The following PRKN variants were observed in gnomAD, a reference collection of about 807,000 sequenced individuals.
PRKN encodes the protein E3 ubiquitin-protein ligase parkin.
PRKN carries 56 observed loss-of-function variants against 59.5 expected under a neutral mutation model. The observed-to-expected ratio is 0.94, with a 90% CI of 0.76 to 1.18. The LOEUF is 1.18. PRKN is among the 50% of genes most tolerant of loss of function. PRKN has a pLI of 0.00. For missense variants in PRKN, 657 were observed against 596.4 expected, an observed-to-expected ratio of 1.10 and a Z score of -1.06; for synonymous variants, 250 against 222.1, an observed-to-expected ratio of 1.13 and a Z score of -1.12.
At chr6:161,977,539 TTGG>T (rs747690007) in intron 5 of PRKN, among the ~76,000 whole-genome samples, 4,293 of 102,214 alleles carry the variant, frequency 0.042, 216 homozygotes, top group Non-Finnish European at 0.064. Context: ...TTCTGTTTTT[TTGG>T]TTTTTTTTTT....
At chr6:161,861,045 A>G (rs1230540206) in intron 6 of PRKN, among the ~76,000 whole-genome samples, 1 of 152,250 alleles carries the variant, frequency 6.6e-6, no homozygotes, top group Non-Finnish European at 1.5e-5. Context: ...ATCTAGAACC[A>G]GAAATACCAT....
chr6:162,458,450 T>C (rs1791010066), intron 1 of PRKN, among the ~76,000 whole-genome samples: 1 of 151,234 alleles, frequency 6.6e-6, no homozygotes, highest in Non-Finnish European at 1.5e-5. Flanking sequence ...AAAAATTTTT[T>C]TTAAATTAAT....
At chr6:161,792,382 A>G (rs1554307370) in intron 6 of PRKN, among the ~76,000 whole-genome samples, 1 of 152,222 alleles carries the variant, frequency 6.6e-6, no homozygotes, top group Non-Finnish European at 1.5e-5. Context: ...AAAGATGCAG[A>G]CAACACCTGA....
intron 1 of PRKN, among the ~76,000 whole-genome samples, chr6:162,683,918 G>A (rs114315512): frequency 0.02 from 3,029 of 152,172 alleles, 94 homozygotes; most frequent in African/African-American, 0.069. Flanking sequence ...GTGGATAAAT[G>A]TTTAAGAGTG....
intron 4 of PRKN, among the ~76,000 whole-genome samples, chr6:162,170,188 G>A (rs954397308): frequency 6.6e-6 from 1 of 152,024 alleles, no homozygotes; most frequent in Non-Finnish European, 1.5e-5. Flanking sequence ...GAGGGATGAG[G>A]GTCTGTTGCC....
rs545145788 is a variant in PRKN at position 161,724,062 on chromosome 6, C to T, written c.871+61710G>A. 4.8e-3 allele frequency among the ~76,000 whole-genome samples: 730 copies of T among 152,270 alleles called. 4 individuals carry two copies. Among genetic ancestry groups the T allele is most frequent in the African/African-American group, 0.016 (653 of 41,548 alleles). On this transcript the variant is annotated intron_variant, in intron 7 of 11. Coordinates refer to ENST00000366898, the MANE Select transcript of PRKN (RefSeq NM_004562.3). The stretch of plus-strand genomic sequence containing the variant: ...GATGTTTCAGCAACATTTCTCCATT[C>T]AGTGATGCTGGGGGAAGTAGAGCTT...
chr6:162,693,479 A>G (rs1777852711), intron 1 of PRKN, among the ~76,000 whole-genome samples: 1 of 152,216 alleles, frequency 6.6e-6, no homozygotes, highest in Non-Finnish European at 1.5e-5. Flanking sequence ...AGCTGTACTT[A>G]AGAGTTGTCC....
intron 7 of PRKN, among the ~76,000 whole-genome samples, chr6:161,636,439 GGCT>G (rs1783524201): frequency 6.6e-6 from 1 of 152,246 alleles, no homozygotes; most frequent in Non-Finnish European, 1.5e-5. Context: ...CTGTCTTTCA[GGCT>G]GCTGCTGCAG....
intron 4 of PRKN, among the ~76,000 whole-genome samples, chr6:162,071,619 T>C (rs1017882414): frequency 2.7e-5 from 4 of 148,892 alleles, no homozygotes; most frequent in Admixed American, 2.0e-4. Flanking sequence ...TTTTTTGAGA[T>C]GGAGTCTCGA....
intron 7 of PRKN, among the ~76,000 whole-genome samples, chr6:161,634,085 TGTAA>T (rs917568702): frequency 1.3e-5 from 2 of 151,172 alleles, no homozygotes; most frequent in African/African-American, 2.4e-5. Context: ...CTCCTAAGAC[TGTAA>T]GTGAGTTATC....
At chr6:162,324,576 C>T (rs1272444976) in intron 2 of PRKN, among the ~76,000 whole-genome samples, 1 of 152,106 alleles carries the variant, frequency 6.6e-6, no homozygotes, top group Non-Finnish European at 1.5e-5. Flanking sequence ...TTGCTAAGCA[C>T]TGGCACAGGG....
rs955038865 is a variant in PRKN, at chr6:161,750,118, TAC to T, written c.871+35652_871+35653del. Among the ~76,000 whole-genome samples the T allele has an allele frequency of 2.8e-3, 392 of 137,772 alleles. 2 individuals carry two copies. The highest frequency in any genetic ancestry group is 7.1e-3 in the African/African-American group (265 of 37,312). The allele number at this position is 137,772 out of a possible 152,430, so 90.4% of individuals were successfully genotyped here. On this transcript the variant is annotated intron_variant, in intron 7 of 11. Coordinates refer to ENST00000366898, the MANE Select transcript of PRKN (RefSeq NM_004562.3). ...TAGGACATATATATATATATATATA[TAC>T]ACACACACACACACACACACACATA...
chr6:161,889,159 C>T lies in PRKN; in HGVS notation c.734+84143G>A, dbSNP rs117135450. Among the ~76,000 whole-genome samples the T allele has an allele frequency of 5.3e-3, 808 of 151,958 alleles. 5 individuals are homozygous for T. Among genetic ancestry groups the T allele is most frequent in the South Asian group, 0.013 (61 of 4,790 alleles). ...TTCCAAGGTAAAAAGACGAAGAACC[C>T]AACAAAGTAACCACGAAGTCAGAGA... On this transcript the variant is annotated intron_variant, in intron 6 of 11. Coordinates refer to ENST00000366898, the MANE Select transcript of PRKN (RefSeq NM_004562.3).
At chr6:161,665,066 G>A (rs532071205) in intron 7 of PRKN, among the ~76,000 whole-genome samples, 17 of 152,206 alleles carry the variant, frequency 1.1e-4, no homozygotes, top group Non-Finnish European at 1.9e-4. Flanking sequence ...GATTACAGGC[G>A]TAAGCCACCA....
intron 6 of PRKN, among the ~76,000 whole-genome samples, chr6:161,833,583 C>G (rs1792606599): frequency 6.6e-6 from 1 of 152,136 alleles, no homozygotes; most frequent in African/African-American, 2.4e-5. Flanking sequence ...CTGAGCTCTC[C>G]CTCACAGCAG....
intron 3 of PRKN, among the ~76,000 whole-genome samples, chr6:162,248,559 C>T (rs767774288): frequency 1.3e-5 from 2 of 152,124 alleles, no homozygotes; most frequent in African/African-American, 2.4e-5. Flanking sequence ...ACTACTGATA[C>T]TTCAAAGAAT....
At chr6:161,476,055 C>T (rs377251800) in intron 9 of PRKN, among the ~76,000 whole-genome samples, 10 of 151,820 alleles carry the variant, frequency 6.6e-5, no homozygotes, top group South Asian at 2.1e-4. Context: ...GGCGTGGTGG[C>T]GGGCGCCTGT....
At chr6:162,515,083 A>AT in intron 1 of PRKN, among the ~76,000 whole-genome samples, 1 of 133,742 alleles carries the variant, frequency 7.5e-6, no homozygotes, top group East Asian at 2.5e-4. Flanking sequence ...AACTATTTTT[A>AT]CTTTTTTTTT....
chr6:161,465,123 A>G (rs952450500), intron 9 of PRKN, among the ~76,000 whole-genome samples: 1 of 152,170 alleles, frequency 6.6e-6, no homozygotes, highest in Admixed American at 6.5e-5. Flanking sequence ...AGCAGTCTAG[A>G]CGGTGAGTCT....
Sources: allele counts gnomAD v4.1 joint callset (sites outside exome capture counted in the v4.1 genomes callset), GRCh38; gene constraint gnomAD v4.1.1; transcripts MANE v1.5; gene names NCBI Gene and HGNC (gene_info 2026-07-23, HGNC 2026-07-21).